NOS1: variants seen among roughly 807,000 people sequenced by gnomAD.
NOS1 encodes the protein nitric oxide synthase 1, also known as NOS type I.
NOS1 carries 51 observed loss-of-function variants against 164.5 expected under a neutral mutation model. The ratio of observed to expected loss-of-function variants is 0.31; its 90% CI spans 0.25 to 0.39. The LOEUF (loss-of-function observed/expected upper bound fraction) is 0.39. Ranked by LOEUF, NOS1 falls within the 10% of genes least tolerant of loss-of-function variation. NOS1 has a pLI of 1.00. For missense variants in NOS1, 1,362 were observed against 1,885.6 expected, an observed-to-expected ratio of 0.72 and a Z score of 5.14; for synonymous variants, 719 against 745.8, an observed-to-expected ratio of 0.96 and a Z score of 0.59.
intron 2 of NOS1, among the ~76,000 whole-genome samples, chr12:117,312,348 C>A (rs547835029): frequency 2.0e-5 from 3 of 152,122 alleles, no homozygotes; most frequent in East Asian, 1.9e-4. Flanking sequence ...GGATTACAGG[C>A]GTGAGCCACC....
At chr12:117,236,419 C>T (rs1869714102) in intron 20 of NOS1, among the ~76,000 whole-genome samples, 1 of 152,008 alleles carries the variant, frequency 6.6e-6, no homozygotes, top group African/African-American at 2.4e-5. Context: ...GAAAGGGTGT[C>T]AAGTATTTTC....
intron 1 of NOS1, among the ~76,000 whole-genome samples, chr12:117,336,466 T>C (rs1321572405): frequency 6.6e-6 from 1 of 152,130 alleles, no homozygotes; most frequent in Admixed American, 6.6e-5. Context: ...CACATGGCCA[T>C]TGAGCACATG....
rs1868689350 is a variant in NOS1 at position 117,226,543 on chromosome 12, A to ATCCTTAACAACT, written c.3704+139_3704+140insAGTTGTTAAGGA. ...TGATCTTGTTTCCTTAACAACTAAG[A>ATCCTTAACAACT]GAGACGCAGGACATTGGTCTCCATC... On this transcript the variant is annotated intron_variant, in intron 24 of 28. Coordinates refer to ENST00000317775, the MANE Select transcript of NOS1 (RefSeq NM_000620.5). The ATCCTTAACAACT allele has an allele frequency of 1.0e-5, 7 of 686,722 alleles. No homozygotes were observed. The Middle Eastern group carries it at 7.3e-4, about 71-fold the overall frequency. The allele number at this position is 686,722 out of a possible 1,614,324, so 42.5% of individuals were successfully genotyped here. A position where few individuals can be genotyped will look rare whatever the true frequency, so the allele number is the denominator to read the frequency against.
At chr12:117,344,743 GAACC>G (rs1876264711) in intron 1 of NOS1, among the ~76,000 whole-genome samples, 1 of 152,170 alleles carries the variant, frequency 6.6e-6, no homozygotes, top group Non-Finnish European at 1.5e-5. Context: ...AGGGCTCAGG[GAACC>G]CTGAAAATCC....
At chr12:117,254,296 G>A (rs896438470) in intron 16 of NOS1, among the ~76,000 whole-genome samples, 2 of 152,044 alleles carry the variant, frequency 1.3e-5, no homozygotes, top group Non-Finnish European at 2.9e-5. Flanking sequence ...TAGTAGAGAC[G>A]GGGTTTCACC....
At chr12:117,258,995 A>C in intron 15 of NOS1, 31 bp downstream of exon 15, 1 of 1,513,004 alleles carries the variant, frequency 6.6e-7, no homozygotes, top group Non-Finnish European at 9.2e-7. Flanking sequence ...TGATGGAACC[A>C]CACTCTTGAA....
chr12:117,270,125 G>C (rs956905587), intron 10 of NOS1, among the ~76,000 whole-genome samples: 1 of 152,248 alleles, frequency 6.6e-6, no homozygotes, highest in African/African-American at 2.4e-5. Flanking sequence ...GGCAGAAGCA[G>C]GAGCTGGTGT....
At chr12:117,255,338 C>A (rs559775900) in intron 16 of NOS1, among the ~76,000 whole-genome samples, 1 of 151,582 alleles carries the variant, frequency 6.6e-6, no homozygotes, top group Admixed American at 6.6e-5. Context: ...AAACAAAACC[C>A]AAAACTCAAG....
At chr12:117,329,409 G>A (rs1266622865) in intron 2 of NOS1, among the ~76,000 whole-genome samples, 1 of 152,166 alleles carries the variant, frequency 6.6e-6, no homozygotes, top group Non-Finnish European at 1.5e-5. Context: ...TGGGGAAAGG[G>A]TTGGGAAATC....
chr12:117,350,775 C>T (rs1876577063), intron 1 of NOS1, among the ~76,000 whole-genome samples: 2 of 152,184 alleles, frequency 1.3e-5, no homozygotes, highest in Non-Finnish European at 2.9e-5. Flanking sequence ...GATTCATTCT[C>T]CAAACTTATC....
At chr12:117,301,757 C>CA (rs1472484287) in intron 3 of NOS1, among the ~76,000 whole-genome samples, 1 of 152,150 alleles carries the variant, frequency 6.6e-6, no homozygotes, top group Non-Finnish European at 1.5e-5. Flanking sequence ...GATGTGGTCA[C>CA]AAAGGGGAGG....
Position 117,210,851 on chromosome 12 carries a change from A to G in NOS1, c.*4458T>C, listed in dbSNP as rs1956515953. ...GGGAAGGATTCACCCTGTTGACTCCAGAGAAGCTGACTATCACATCAGCTC... is the reference window on the plus strand; with the variant it reads ...GGGAAGGATTCACCCTGTTGACTCCGGAGAAGCTGACTATCACATCAGCTC... On this transcript the variant is annotated 3_prime_UTR_variant, in exon 29 of 29. Transcript: ENST00000317775. 4 of 985,354 alleles carry G rather than the reference A, an allele frequency of 4.1e-6. No homozygotes were observed. The highest frequency in any genetic ancestry group is 4.8e-6 in the Non-Finnish European group (4 of 829,944). 61.0% of individuals were successfully genotyped at this position (985,354 alleles called of 1,614,324 possible).
Position 117,218,063 on chromosome 12 carries a change from G to T in NOS1, c.4272C>A (p.Ser1424Arg). The T allele has an allele frequency of 6.2e-7, 1 of 1,613,124 alleles. No homozygotes were observed. ...RSESIAFIEE[S>R]KKDTDEVFSS ...CAGCTTACTCATCGGTGTCTTTTTT[G>T]CTCTCTTCAATGAAGGCAATGGACT... Residue 1424 changes from serine to arginine, a missense_variant, in exon 28 of 29, where the codon AGC (serine) becomes AGA (arginine). By Grantham distance (110) the Ser-to-Arg change is moderately radical. Coordinates refer to ENST00000317775, the MANE Select transcript of NOS1 (RefSeq NM_000620.5).
chr12:117,324,982 G>GGAGA (rs540715233), intron 2 of NOS1, among the ~76,000 whole-genome samples: 359 of 152,314 alleles, frequency 2.4e-3, no homozygotes, highest in African/African-American at 8.3e-3. Flanking sequence ...GTTTCCAAGA[G>GGAGA]GAAAGAAAGA....
intron 7 of NOS1, among the ~76,000 whole-genome samples, chr12:117,284,527 G>T (rs539206015): frequency 5.5e-4 from 84 of 152,178 alleles, no homozygotes; most frequent in Non-Finnish European, 8.2e-4. Context: ...TTAAACCAAG[G>T]GAGATTTGGT....
intron 1 of NOS1, among the ~76,000 whole-genome samples, chr12:117,332,362 T>C (rs939038956): frequency 3.3e-5 from 5 of 152,160 alleles, no homozygotes; most frequent in Non-Finnish European, 4.4e-5. Flanking sequence ...CAAGGTCACA[T>C]AGAGAATAAT....
chr12:117,313,016 C>G (rs980250915), intron 2 of NOS1, among the ~76,000 whole-genome samples: 1 of 152,126 alleles, frequency 6.6e-6, no homozygotes, highest in African/African-American at 2.4e-5. Flanking sequence ...TAATCACCAT[C>G]ACCATCATCA....
At chr12:117,360,942 G>A (rs1877114054) in intron 1 of NOS1, among the ~76,000 whole-genome samples, 1 of 152,184 alleles carries the variant, frequency 6.6e-6, no homozygotes, top group Admixed American at 6.5e-5. Context: ...TGGAGCCTGG[G>A]CGCGTAGACC....
Position 117,280,881 on chromosome 12 carries a change from G to T in NOS1, c.1383-15C>A, listed in dbSNP as rs2293051. The T allele has an allele frequency of 3.0e-5, 49 of 1,612,458 alleles. No homozygotes were observed. In the Middle Eastern group the frequency reaches 5.0e-4, roughly 16 times the overall value. ...TGATGGCAGACCTGTGGTGGAGAGA[G>T]GGGAACACCCGGCATCAGGGCGGGA... On this transcript the variant is annotated splice_polypyrimidine_tract_variant and intron_variant, in intron 7 of 28. Coordinates refer to ENST00000317775, the MANE Select transcript of NOS1 (RefSeq NM_000620.5).
Sources: allele counts gnomAD v4.1 joint callset (sites outside exome capture counted in the v4.1 genomes callset), GRCh38; gene constraint gnomAD v4.1.1; transcripts MANE v1.5; gene names NCBI Gene and HGNC (gene_info 2026-07-23, HGNC 2026-07-21).